The following PIR variants were observed in gnomAD, a reference collection of about 807,000 sequenced individuals.
PIR encodes the protein pirin (iron-binding nuclear protein).
In PIR, 22 loss-of-function variants were observed where a neutral mutation model predicts 24.2. The observed-to-expected ratio is 0.91, with a 90% confidence interval of 0.65 to 1.30. The LOEUF is 1.30. PIR is among the 50% of genes most tolerant of loss of function. The pLI is 0.00. For synonymous variants in PIR, 80 were observed against 79.6 expected, an observed-to-expected ratio of 1.00 and a Z score of -0.03; for missense variants, 220 against 220.3, an observed-to-expected ratio of 1.00 and a Z score of 0.01.
intron 3 of PIR, among the ~76,000 whole-genome samples, chrX:15,465,598 A>G (rs1465369011): frequency 1.8e-5 from 2 of 112,235 alleles, no homozygotes; most frequent in African/African-American, 6.5e-5. Flanking sequence ...GTTTTCTTAA[A>G]GCACTTGACG....
At position 15,417,173 on chromosome X, in the gene PIR, C is replaced by T. The variant is rs1481937270; in HGVS notation, c.565+8733G>A. Among the ~76,000 whole-genome samples, 3 of 111,309 alleles carry T rather than the reference C, an allele frequency of 2.7e-5. No individual in the cohort carries two copies. The South Asian group carries it at 1.1e-3, about 42-fold the overall frequency. ...CCATGTTGGCCAGACTGGTCACAAA[C>T]TTTTGGCCTTGAGTGATCTGCCCAC... On this transcript the variant is annotated intron_variant, in intron 6 of 9. Coordinates refer to ENST00000380420, the MANE Select transcript of PIR (RefSeq NM_001018109.3).
intron 2 of PIR, among the ~76,000 whole-genome samples, chrX:15,482,343 A>C (rs1280109700): frequency 9.0e-6 from 1 of 111,537 alleles, no homozygotes. Flanking sequence ...TTTTACATAG[A>C]TTGCTTTATA....
At chrX:15,437,964 A>G (rs1432060553) in intron 5 of PIR, among the ~76,000 whole-genome samples, 1 of 112,584 alleles carries the variant, frequency 8.9e-6, no homozygotes, top group Non-Finnish European at 1.9e-5. Flanking sequence ...AGCACTGCCC[A>G]AATAAAGTTT....
At chrX:15,434,133 AAGG>A (rs1175332038) in intron 5 of PIR, among the ~76,000 whole-genome samples, 1 of 92,957 alleles carries the variant, frequency 1.1e-5, no homozygotes, top group African/African-American at 4.0e-5. Flanking sequence ...GAGGAGAAAG[AAGG>A]AGGAGGAGGA....
intron 3 of PIR, among the ~76,000 whole-genome samples, chrX:15,461,476 A>G (rs1921296730): frequency 8.9e-6 from 1 of 112,911 alleles, no homozygotes; most frequent in Non-Finnish European, 1.9e-5. Context: ...TTAAGTTTAA[A>G]TTAATTAAAA....
chrX:15,420,553 G>A (rs373511609), intron 6 of PIR, among the ~76,000 whole-genome samples: 3 of 112,174 alleles, frequency 2.7e-5, no homozygotes, highest in South Asian at 7.5e-4. Flanking sequence ...ACATGGGAAG[G>A]CAGATACACA....
intron 5 of PIR, chrX:15,429,427 C>T (rs1334396063): frequency 2.7e-5 from 3 of 112,251 alleles, no homozygotes. Context: ...CATCTTTAAC[C>T]TAAAACAGGA....
At chrX:15,460,212 C>T (rs1187682418) in intron 3 of PIR, among the ~76,000 whole-genome samples, 1 of 111,449 alleles carries the variant, frequency 9.0e-6, no homozygotes, top group Non-Finnish European at 1.9e-5. Context: ...AAAAATAGAA[C>T]TCCTATACAA....
At chrX:15,478,416 T>C (rs1922325959) in intron 3 of PIR, 1 of 112,120 alleles carries the variant, frequency 8.9e-6, no homozygotes. Context: ...AGGTGGTAAG[T>C]GGAGCTATGG....
At chrX:15,475,869 C>T (rs913870907) in intron 3 of PIR, among the ~76,000 whole-genome samples, 1 of 112,232 alleles carries the variant, frequency 8.9e-6, no homozygotes, top group African/African-American at 3.2e-5. Flanking sequence ...TGTGTTGTGA[C>T]CACCAGCTGT....
chrX:15,418,730 C>T (rs1363120030), intron 6 of PIR, among the ~76,000 whole-genome samples: 1 of 112,061 alleles, frequency 8.9e-6, no homozygotes, highest in Non-Finnish European at 1.9e-5. Flanking sequence ...GGAAGGAACT[C>T]AGATAAAACC....
intron 7 of PIR, among the ~76,000 whole-genome samples, chrX:15,397,936 TAC>T (rs921235937): frequency 3.6e-5 from 4 of 112,117 alleles, no homozygotes; most frequent in Non-Finnish European, 7.5e-5. Flanking sequence ...TATGGGACAA[TAC>T]AGAGACATGC....
intron 3 of PIR, among the ~76,000 whole-genome samples, chrX:15,474,029 G>A (rs960411981): frequency 8.9e-6 from 1 of 111,908 alleles, no homozygotes; most frequent in African/African-American, 3.3e-5. Context: ...TGAATACGAT[G>A]CTTTCCCCTG....
intron 5 of PIR, among the ~76,000 whole-genome samples, chrX:15,446,266 C>T (rs958753355): frequency 1.8e-5 from 2 of 111,554 alleles, no homozygotes; most frequent in Non-Finnish European, 3.8e-5. Flanking sequence ...AGAAAATGAA[C>T]GTGTGTTTTG....
intron 6 of PIR, among the ~76,000 whole-genome samples, chrX:15,419,255 T>C (rs1925029434): frequency 9.0e-6 from 1 of 111,360 alleles, no homozygotes; most frequent in Non-Finnish European, 1.9e-5. Flanking sequence ...ATGAGTGCTT[T>C]ATAATACTTG....
chrX:15,481,928 C>T (rs996694906), intron 2 of PIR, among the ~76,000 whole-genome samples: 2 of 111,561 alleles, frequency 1.8e-5, no homozygotes, highest in African/African-American at 3.3e-5. Context: ...GGGATTCAAG[C>T]TGAAACAGCG....
At chrX:15,473,847 G>A (rs917184834) in intron 3 of PIR, among the ~76,000 whole-genome samples, 1 of 112,584 alleles carries the variant, frequency 8.9e-6, no homozygotes, top group East Asian at 2.8e-4. Flanking sequence ...GAGCCACCGC[G>A]CCCAGCCTCT....
At chrX:15,429,762 G>C (rs1243535973) in intron 5 of PIR, 2 of 110,107 alleles carry the variant, frequency 1.8e-5, no homozygotes, top group Non-Finnish European at 3.8e-5. Flanking sequence ...AGGCTGAGGC[G>C]GTAGAAGGGC....
At chrX:15,385,707 G>C (rs1242213785) in intron 9 of PIR, among the ~76,000 whole-genome samples, 1 of 112,163 alleles carries the variant, frequency 8.9e-6, no homozygotes, top group Non-Finnish European at 1.9e-5. Context: ...ATGTATTTTA[G>C]ATTTTGTGGG....
Sources: allele counts gnomAD v4.1 joint callset (sites outside exome capture counted in the v4.1 genomes callset), GRCh38; gene constraint gnomAD v4.1.1; transcripts MANE v1.5; gene names NCBI Gene and HGNC (gene_info 2026-07-23, HGNC 2026-07-21).